NELL1: variants seen among roughly 807,000 people sequenced by gnomAD.
The protein encoded by NELL1 is neural EGFL like 1.
Under a neutral mutation model 107.4 loss-of-function variants are expected in NELL1, and 76 were observed. The observed-to-expected ratio is 0.71, with a 90% CI of 0.59 to 0.86. NELL1 has a LOEUF of 0.86. NELL1 is among the 40% of genes least tolerant of loss of function. The pLI, the probability that NELL1 is intolerant of heterozygous loss-of-function variation, is 0.00. For missense variants in NELL1, 1,024 were observed against 1,005.5 expected (o/e 1.02, Z -0.25); for synonymous variants, 353 against 341.2 (o/e 1.03, Z -0.38).
At chr11:21,216,660 A>T (rs1857620459) in intron 13 of NELL1, among the ~76,000 whole-genome samples, 1 of 152,188 alleles carries the variant, frequency 6.6e-6, no homozygotes, top group Non-Finnish European at 1.5e-5. Context: ...TTGGACTTGC[A>T]TGGAAACTGT....
intron 5 of NELL1, among the ~76,000 whole-genome samples, chr11:20,901,438 T>C (rs1163756954): frequency 6.6e-6 from 1 of 152,090 alleles, no homozygotes; most frequent in Non-Finnish European, 1.5e-5. Flanking sequence ...GAAAAACCAC[T>C]GAAGACCTAA....
chr11:20,920,744 T>C (rs1170394936), intron 7 of NELL1, among the ~76,000 whole-genome samples: 2 of 152,170 alleles, frequency 1.3e-5, no homozygotes, highest in African/African-American at 2.4e-5. Context: ...TTTCTCATTC[T>C]TTCCCATTGC....
At chr11:21,333,396 ATTG>A (rs1278248360) in intron 14 of NELL1, among the ~76,000 whole-genome samples, 1 of 152,050 alleles carries the variant, frequency 6.6e-6, no homozygotes, top group Non-Finnish European at 1.5e-5. Context: ...GGCCACCATC[ATTG>A]TTGTGATTAT....
At chr11:20,965,897 G>A (rs2090397) in intron 12 of NELL1, among the ~76,000 whole-genome samples, 15,140 of 152,124 alleles carry the variant, frequency 0.1, 933 homozygotes, top group East Asian at 0.25. Flanking sequence ...ACAAGATCCT[G>A]CAAATTCTTA....
chr11:21,233,423 T>C (rs1029498811), intron 14 of NELL1, among the ~76,000 whole-genome samples: 31 of 152,160 alleles, frequency 2.0e-4, no homozygotes, highest in Non-Finnish European at 1.2e-4. Context: ...CTTTTCCTTC[T>C]CTTTTTATTT....
intron 13 of NELL1, among the ~76,000 whole-genome samples, chr11:21,207,742 G>A (rs1427575390): frequency 3.3e-5 from 5 of 152,222 alleles, no homozygotes; most frequent in African/African-American, 1.2e-4. Flanking sequence ...ATCATTGTCT[G>A]TATTTTACTC....
chr11:20,889,215 GAC>G (rs1194790938), intron 5 of NELL1, among the ~76,000 whole-genome samples: 3 of 152,070 alleles, frequency 2.0e-5, no homozygotes, highest in Non-Finnish European at 2.9e-5. Context: ...GAACTCCAAA[GAC>G]ACAGAGAAGA....
At chr11:21,139,836 T>C (rs1166003977) in intron 13 of NELL1, among the ~76,000 whole-genome samples, 1 of 151,952 alleles carries the variant, frequency 6.6e-6, no homozygotes, top group Admixed American at 6.6e-5. Context: ...AGTCTGGAGG[T>C]CAGGCAGTTT....
intron 3 of NELL1, among the ~76,000 whole-genome samples, chr11:20,808,419 C>G (rs892855157): frequency 1.3e-5 from 2 of 152,172 alleles, no homozygotes. Flanking sequence ...CTTCCATTTC[C>G]TCTCCTGAAG....
chr11:21,300,392 G>A (rs1849467870), intron 14 of NELL1, among the ~76,000 whole-genome samples: 1 of 151,946 alleles, frequency 6.6e-6, no homozygotes, highest in African/African-American at 2.4e-5. Context: ...GGACCTGGAG[G>A]CCAGAAAAAG....
chr11:21,076,404 A>C (rs1854137355), intron 12 of NELL1, among the ~76,000 whole-genome samples: 1 of 152,198 alleles, frequency 6.6e-6, no homozygotes, highest in Non-Finnish European at 1.5e-5. Context: ...GGCAAGGCTG[A>C]TGGAGAAAGT....
intron 12 of NELL1, among the ~76,000 whole-genome samples, chr11:20,987,754 A>AT (rs916122538): frequency 2.0e-5 from 3 of 151,968 alleles, no homozygotes; most frequent in Non-Finnish European, 2.9e-5. Flanking sequence ...GTTGTACCTC[A>AT]TTTTTTTTCT....
chr11:20,817,282 G>A (rs899566623), intron 3 of NELL1, among the ~76,000 whole-genome samples: 1 of 151,700 alleles, frequency 6.6e-6, no homozygotes, highest in African/African-American at 2.4e-5. Flanking sequence ...GCTTTTTTTT[G>A]CTTGGTAATT....
chr11:20,916,606 TC>T (rs1242318472), intron 5 of NELL1, among the ~76,000 whole-genome samples: 1 of 152,054 alleles, frequency 6.6e-6, no homozygotes, highest in South Asian at 2.1e-4. Flanking sequence ...TACATATACT[TC>T]CACCAATTCT....
chr11:21,285,797 CAAAAG>C (rs986789275), intron 14 of NELL1, among the ~76,000 whole-genome samples: 51 of 152,232 alleles, frequency 3.4e-4, no homozygotes, highest in African/African-American at 1.2e-3. Context: ...TAAAACAAAA[CAAAAG>C]AAAACAAAAA....
At chr11:20,979,361 AGT>A (rs1035142998) in intron 12 of NELL1, among the ~76,000 whole-genome samples, 3 of 152,186 alleles carry the variant, frequency 2.0e-5, no homozygotes, top group African/African-American at 4.8e-5. Context: ...AAGATATGTC[AGT>A]GTGTGTGTGT....
chr11:21,265,715 T>A (rs57923542), intron 14 of NELL1, among the ~76,000 whole-genome samples: 3,291 of 152,128 alleles, frequency 0.022, 137 homozygotes, highest in African/African-American at 0.075. Flanking sequence ...ATCTTTGGTA[T>A]AAAATAGTCT....
chr11:21,093,778 G>A (rs377094746), intron 12 of NELL1, among the ~76,000 whole-genome samples: 5 of 152,070 alleles, frequency 3.3e-5, no homozygotes, highest in African/African-American at 1.2e-4. Flanking sequence ...AGATTTATTC[G>A]CTATCATGAG....
chr11:20,968,682 A>G (rs1345083391), intron 12 of NELL1, among the ~76,000 whole-genome samples: 1 of 152,190 alleles, frequency 6.6e-6, no homozygotes, highest in Non-Finnish European at 1.5e-5. Context: ...TGTTTATAGA[A>G]AATTGGTTTT....
Sources: allele counts gnomAD v4.1 joint callset (sites outside exome capture counted in the v4.1 genomes callset), GRCh38; gene constraint gnomAD v4.1.1; transcripts MANE v1.5; gene names NCBI Gene and HGNC (gene_info 2026-07-23, HGNC 2026-07-21).